PCLO: variants seen among roughly 807,000 people sequenced by gnomAD.
The protein encoded by PCLO is protein piccolo.
In PCLO, 82 loss-of-function variants were observed where a neutral mutation model predicts 427.5. The observed-to-expected ratio is 0.19, with a 90% CI of 0.16 to 0.23. PCLO has a LOEUF of 0.23. Ranked by LOEUF, PCLO falls within the 10% of genes least tolerant of loss-of-function variation. The pLI is 1.00. For missense variants in PCLO, 6,239 were observed against 6,115.9 expected, an observed-to-expected ratio of 1.02 and a Z score of -0.67; for synonymous variants, 2,357 against 2,155.4, an observed-to-expected ratio of 1.09 and a Z score of -2.59.
intron 8 of PCLO, among the ~76,000 whole-genome samples, chr7:82,904,963 C>A (rs1415340808): frequency 6.6e-6 from 1 of 152,078 alleles, no homozygotes; most frequent in South Asian, 2.1e-4. Context: ...TATCTGTCTT[C>A]CATGTATGAA....
chr7:83,055,047 TCTC>T (rs1789344802), intron 3 of PCLO, among the ~76,000 whole-genome samples: 1 of 152,022 alleles, frequency 6.6e-6, no homozygotes, highest in Non-Finnish European at 1.5e-5. Context: ...CAACAGAAAA[TCTC>T]CTGAAGGATT....
intron 8 of PCLO, among the ~76,000 whole-genome samples, chr7:82,904,356 T>A (rs1794130374): frequency 6.6e-6 from 1 of 151,802 alleles, no homozygotes; most frequent in African/African-American, 2.4e-5. Flanking sequence ...CACATCTTTT[T>A]CTCCCACTTT....
chr7:83,136,665 C>G (rs1791737920), intron 2 of PCLO, among the ~76,000 whole-genome samples: 2 of 151,918 alleles, frequency 1.3e-5, no homozygotes, highest in African/African-American at 4.8e-5. Context: ...AACATGGTTT[C>G]CTTAGAAATT....
chr7:83,127,553 A>T (rs1791468057), intron 3 of PCLO, among the ~76,000 whole-genome samples: 1 of 152,146 alleles, frequency 6.6e-6, no homozygotes, highest in South Asian at 2.1e-4. Flanking sequence ...TTGGAATTAA[A>T]ATTATTGAAA....
chr7:82,848,749 A>G, intron 10 of PCLO: 1 of 194,118 alleles, frequency 5.2e-6, no homozygotes, highest in East Asian at 1.2e-4. Context: ...TATATTAGAA[A>G]GCATATTACC....
intron 10 of PCLO, chr7:82,868,086 A>T: frequency 2.2e-6 from 1 of 455,648 alleles, no homozygotes; most frequent in Non-Finnish European, 4.4e-6. Flanking sequence ...GAGAAATCTC[A>T]TGCTAATGAC....
chr7:83,063,218 G>A (rs1242324181), intron 3 of PCLO, among the ~76,000 whole-genome samples: 1 of 152,044 alleles, frequency 6.6e-6, no homozygotes, highest in African/African-American at 2.4e-5. Flanking sequence ...TGATGTTAAA[G>A]CTTCTTCTTA....
At chr7:83,125,166 C>T (rs931863177) in intron 3 of PCLO, among the ~76,000 whole-genome samples, 2 of 152,236 alleles carry the variant, frequency 1.3e-5, no homozygotes, top group African/African-American at 4.8e-5. Flanking sequence ...AGCCTCTGCC[C>T]GGCCGCCACC....
At chr7:83,051,334 T>C (rs1163311894) in intron 3 of PCLO, among the ~76,000 whole-genome samples, 3 of 152,138 alleles carry the variant, frequency 2.0e-5, no homozygotes, top group Non-Finnish European at 4.4e-5. Flanking sequence ...AATAACTCCT[T>C]GAAATAATAA....
At chr7:83,117,243 C>A (rs1242898822) in intron 3 of PCLO, among the ~76,000 whole-genome samples, 1 of 152,102 alleles carries the variant, frequency 6.6e-6, no homozygotes, top group Non-Finnish European at 1.5e-5. Context: ...AGTCCTTCTT[C>A]AGAAGAGTCT....
At chr7:83,037,859 G>A (rs139676816) in intron 3 of PCLO, among the ~76,000 whole-genome samples, 2 of 147,016 alleles carry the variant, frequency 1.4e-5, no homozygotes, top group African/African-American at 2.5e-5. Flanking sequence ...GTTTTCACTG[G>A]GACCATTGAA....
intron 4 of PCLO, among the ~76,000 whole-genome samples, chr7:82,961,126 A>G (rs1403318733): frequency 1.3e-5 from 2 of 152,200 alleles, no homozygotes; most frequent in African/African-American, 2.4e-5. Context: ...TAAGAGGTAA[A>G]TTAAGAGTAT....
intron 3 of PCLO, among the ~76,000 whole-genome samples, chr7:83,096,779 A>C (rs1459334375): frequency 8.4e-6 from 1 of 119,596 alleles, no homozygotes; most frequent in Non-Finnish European, 1.6e-5. Flanking sequence ...ATATTATATA[A>C]TATAAATATA....
At chr7:83,031,913 C>A (rs1043641229) in intron 3 of PCLO, among the ~76,000 whole-genome samples, 2 of 152,108 alleles carry the variant, frequency 1.3e-5, no homozygotes, top group Non-Finnish European at 2.9e-5. Context: ...TACTTAAACC[C>A]TTTTCAGGAC....
At position 82,956,040 on chromosome 7, in the gene PCLO, T is replaced by C. The variant is rs2115571616; in HGVS notation, c.4913A>G (p.Asp1638Gly). 1.2e-6 allele frequency: 2 copies of C among 1,613,034 alleles called. No homozygotes were observed. The highest frequency in any genetic ancestry group is 2.2e-5 in the East Asian group (1 of 44,884). The part of the protein sequence containing the change: ...SWHDEDDEAF[D>G]ESPELKYRET... ...TCTGTATTTAAGTTCAGGACTTTCA[T>C]CAAATGCTTCATCGTCTTCATCATG... Residue 1638 changes from aspartate to glycine, a missense_variant, in exon 5 of 25, where the codon GAT (aspartate) becomes GGT (glycine). Around this residue, in one of 5 missense-constraint regions of PCLO, gnomAD observed 4,677 missense variants for 4,468.4 expected, o/e 1.05. Transcript: ENST00000333891.
At chr7:82,818,090 AAACAAC>A (rs3064869) in intron 20 of PCLO, among the ~76,000 whole-genome samples, 1 of 151,590 alleles carries the variant, frequency 6.6e-6, no homozygotes, top group African/African-American at 2.4e-5. Context: ...AGCATGGGGA[AAACAAC>A]AACAACAACC....
chr7:83,089,510 T>C (rs1470369812), intron 3 of PCLO, among the ~76,000 whole-genome samples: 1 of 152,188 alleles, frequency 6.6e-6, no homozygotes, highest in African/African-American at 2.4e-5. Flanking sequence ...CTCTCCAGAA[T>C]GGCCCCCTTG....
At chr7:82,925,931 C>T (rs1487970210) in intron 6 of PCLO, among the ~76,000 whole-genome samples, 1 of 151,728 alleles carries the variant, frequency 6.6e-6, no homozygotes, top group Non-Finnish European at 1.5e-5. Context: ...GTTGCCCCGG[C>T]TGGTCTCAAA....
intron 3 of PCLO, among the ~76,000 whole-genome samples, chr7:83,076,385 C>G (rs1413547181): frequency 1.3e-5 from 2 of 151,956 alleles, no homozygotes; most frequent in Non-Finnish European, 2.9e-5. Context: ...GCCTCAGCCT[C>G]CCAAGTAGCT....
Sources: gnomAD v4.1 joint callset for allele counts (sites outside exome capture counted in the v4.1 genomes callset) on GRCh38, gnomAD v4.1.1 for gene constraint, gnomAD v4.1.1 regional missense constraint, MANE v1.5 for transcripts, NCBI Gene and HGNC (gene_info 2026-07-23, HGNC 2026-07-21) for gene names.